Variants in CTNNA2 observed in about 807,000 individuals in gnomAD.
CTNNA2 encodes the protein catenin alpha-2.
CTNNA2 carries 42 observed loss-of-function variants against 101.0 expected under a neutral mutation model. That is an observed-to-expected ratio of 0.42 (90% CI 0.32 to 0.54). The LOEUF (loss-of-function observed/expected upper bound fraction) is 0.54, where lower values mean the gene tolerates loss of function less well. Ranked by LOEUF, CTNNA2 falls within the 20% of genes least tolerant of loss-of-function variation. The pLI is 0.14. For synonymous variants in CTNNA2, 450 were observed against 456.4 expected (o/e 0.99, Z 0.18); for missense variants, 871 against 1,223.1 (o/e 0.71, Z 4.29).
intron 7 of CTNNA2, among the ~76,000 whole-genome samples, chr2:80,153,712 AAAC>A (rs755880357): frequency 6.6e-6 from 1 of 152,192 alleles, no homozygotes; most frequent in South Asian, 2.1e-4. Flanking sequence ...TAGCTAATTA[AAAC>A]AACAACAACA....
chr2:79,517,563 G>C (rs1273396259), intron 1 of CTNNA2, among the ~76,000 whole-genome samples: 1 of 152,060 alleles, frequency 6.6e-6, no homozygotes, highest in Non-Finnish European at 1.5e-5. Context: ...TTTCTTAATT[G>C]ATGTTTTAAA....
At chr2:80,344,936 C>T (rs565885853) in intron 7 of CTNNA2, among the ~76,000 whole-genome samples, 13 of 152,274 alleles carry the variant, frequency 8.5e-5, no homozygotes, top group African/African-American at 3.1e-4. Context: ...ACTCTGTTGC[C>T]TCTACACTGA....
intron 7 of CTNNA2, among the ~76,000 whole-genome samples, chr2:79,932,430 T>C (rs1360306549): frequency 1.3e-5 from 2 of 152,014 alleles, no homozygotes; most frequent in African/African-American, 4.8e-5. Flanking sequence ...TTTTGTCTTT[T>C]AACTCCGGCC....
chr2:80,056,449 G>A (rs1326536300), intron 7 of CTNNA2, among the ~76,000 whole-genome samples: 1 of 152,314 alleles, frequency 6.6e-6, no homozygotes, highest in East Asian at 1.9e-4. Flanking sequence ...GGCAGTCTTT[G>A]CATGGACTGT....
chr2:80,009,726 C>T (rs5005789), intron 7 of CTNNA2, among the ~76,000 whole-genome samples: 1 of 147,804 alleles, frequency 6.8e-6, no homozygotes, highest in Non-Finnish European at 1.5e-5. Context: ...TGGTGTGTGT[C>T]TGTGTGTGTG....
intron 7 of CTNNA2, among the ~76,000 whole-genome samples, chr2:79,979,735 A>T (rs1216953996): frequency 1.3e-5 from 2 of 152,210 alleles, no homozygotes; most frequent in Non-Finnish European, 2.9e-5. Context: ...TTAAAAAAAA[A>T]ATACTAAGAT....
At chr2:79,506,176 T>C (rs10196856) in intron 5 of CTNNA2, among the ~76,000 whole-genome samples, 3,460 of 152,280 alleles carry the variant, frequency 0.023, 162 homozygotes, top group East Asian at 0.19. Context: ...TGTGCATTTG[T>C]ATGTAAATAA....
intron 2 of CTNNA2, among the ~76,000 whole-genome samples, 187 bp from the exon 3 acceptor site, chr2:79,744,200 A>G (rs1671485015): frequency 1.3e-5 from 2 of 152,310 alleles, no homozygotes; most frequent in Admixed American, 6.5e-5. Context: ...ATTTATTTGT[A>G]TGATAATCCA....
chr2:79,814,163 A>G (rs1677275385), intron 3 of CTNNA2, among the ~76,000 whole-genome samples: 2 of 152,150 alleles, frequency 1.3e-5, no homozygotes, highest in African/African-American at 2.4e-5. Flanking sequence ...CCCAACTTTT[A>G]TATATATGAT....
intron 1 of CTNNA2, among the ~76,000 whole-genome samples, chr2:79,534,082 G>A (rs1279012162): frequency 6.6e-6 from 1 of 152,020 alleles, no homozygotes; most frequent in Non-Finnish European, 1.5e-5. Flanking sequence ...TCAAAATTGT[G>A]ATGTATGTTG....
chr2:80,576,835 G>C (rs1044285495), intron 13 of CTNNA2, among the ~76,000 whole-genome samples: 3 of 149,170 alleles, frequency 2.0e-5, no homozygotes, highest in Non-Finnish European at 4.4e-5. Context: ...GCATGTTGGC[G>C]TGCATCTGTA....
In CTNNA2 at chr2:79,472,439, G is replaced by C. The variant is rs546579379; in HGVS notation, c.-134-32615G>C. 5.9e-5 allele frequency among the ~76,000 whole-genome samples: 9 copies of C among 152,314 alleles called. No homozygotes were observed. In the East Asian group the frequency reaches 1.2e-3, roughly 20 times the overall value. On this transcript the variant is annotated intron_variant, in intron 4 of 21. Coordinates refer to the CTNNA2 transcript ENST00000466387. Reference sequence around the variant, plus strand: ...GGTCCCACCTTTCAAAACCAAGGAAGTAGACTTGATGACCTCTGAATCACC... The same window carrying C: ...GGTCCCACCTTTCAAAACCAAGGAACTAGACTTGATGACCTCTGAATCACC...
intron 7 of CTNNA2, among the ~76,000 whole-genome samples, chr2:80,006,012 A>G (rs991732860): frequency 1.3e-5 from 2 of 152,186 alleles, no homozygotes; most frequent in Admixed American, 6.5e-5. Flanking sequence ...ATAAGTTTCC[A>G]TAATCCATTG....
intron 7 of CTNNA2, among the ~76,000 whole-genome samples, chr2:80,307,545 C>G (rs1037792081): frequency 6.6e-6 from 1 of 152,040 alleles, no homozygotes; most frequent in Non-Finnish European, 1.5e-5. Flanking sequence ...ATGTCTGTAC[C>G]TGTCTTTTGA....
intron 7 of CTNNA2, among the ~76,000 whole-genome samples, chr2:79,951,478 C>A (rs1688877206): frequency 6.6e-6 from 1 of 152,044 alleles, no homozygotes; most frequent in Admixed American, 6.6e-5. Context: ...CCAGCCTGGC[C>A]AGCATGGTGA....
At chr2:80,232,341 G>GTTTTTTTT (rs1286822049) in intron 7 of CTNNA2, among the ~76,000 whole-genome samples, 16 of 82,026 alleles carry the variant, frequency 2.0e-4, no homozygotes, top group Non-Finnish European at 3.2e-4. Context: ...TTGTTTGTTT[G>GTTTTTTTT]TTTGTTTTTT....
At chr2:80,296,612 A>G (rs891316239) in intron 7 of CTNNA2, among the ~76,000 whole-genome samples, 1 of 152,240 alleles carries the variant, frequency 6.6e-6, no homozygotes. Context: ...ATCTAAAACT[A>G]ACTCAGAAGT....
chr2:80,233,542 A>G (rs1410633123), intron 7 of CTNNA2, among the ~76,000 whole-genome samples: 1 of 152,196 alleles, frequency 6.6e-6, no homozygotes, highest in Non-Finnish European at 1.5e-5. Flanking sequence ...CATATGACAC[A>G]TAGCCTCCAA....
intron 9 of CTNNA2, among the ~76,000 whole-genome samples, chr2:80,443,385 C>T (rs1166757020): frequency 1.3e-5 from 2 of 152,144 alleles, no homozygotes; most frequent in African/African-American, 2.4e-5. Context: ...ATCAGTCAAT[C>T]GCAAATATTT....
Sources: gnomAD v4.1 joint callset for allele counts (sites outside exome capture counted in the v4.1 genomes callset) on GRCh38, gnomAD v4.1.1 for gene constraint, MANE v1.5 for transcripts, NCBI Gene and HGNC (gene_info 2026-07-23, HGNC 2026-07-21) for gene names.